Variants in KCNB2 observed in about 807,000 individuals in gnomAD.
The protein encoded by KCNB2 is delayed rectifier potassium channel protein.
Under a neutral mutation model 61.5 loss-of-function variants are expected in KCNB2, and 15 were observed. That is an observed-to-expected ratio of 0.24 (90% CI 0.16 to 0.38). The LOEUF (loss-of-function observed/expected upper bound fraction) is 0.38, where lower values mean the gene tolerates loss of function less well. Among genes scored for constraint, KCNB2 ranks in the 10% least tolerant of loss-of-function variants. KCNB2 has a pLI of 1.00. For missense variants in KCNB2, 828 were observed against 1,125.2 expected, an observed-to-expected ratio of 0.74 and a Z score of 3.78; for synonymous variants, 457 against 446.0, an observed-to-expected ratio of 1.02 and a Z score of -0.31.
chr8:72,887,096 G>A lies in KCNB2; in HGVS notation c.580-48839G>A, dbSNP rs116489713. 4.2e-3 allele frequency among the ~76,000 whole-genome samples: 642 copies of A among 152,314 alleles called. 7 individuals carry two copies. Among genetic ancestry groups the A allele is most frequent in the African/African-American group, 0.015 (613 of 41,568 alleles). Reference sequence around the variant, plus strand: ...TAAGGACACCTTAAGCCAGCTTAGTGAGAACTTTCTATAACTGCTTTCTGA... The same window carrying A: ...TAAGGACACCTTAAGCCAGCTTAGTAAGAACTTTCTATAACTGCTTTCTGA... On this transcript the variant is annotated intron_variant, in intron 2 of 2. Coordinates refer to ENST00000523207, the MANE Select transcript of KCNB2 (RefSeq NM_004770.3).
chr8:72,750,029 A>G (rs1808161643), intron 2 of KCNB2, among the ~76,000 whole-genome samples: 1 of 151,730 alleles, frequency 6.6e-6, no homozygotes, highest in Admixed American at 6.6e-5. Flanking sequence ...CAAAGATTTT[A>G]CCATCTATAT....
intron 1 of KCNB2, among the ~76,000 whole-genome samples, chr8:72,562,322 C>A (rs1489633895): frequency 6.6e-6 from 1 of 152,242 alleles, no homozygotes; most frequent in African/African-American, 2.4e-5. Context: ...AATTAGGATG[C>A]CATGATGAGA....
chr8:72,669,689 GT>G (rs1341610759), intron 2 of KCNB2, among the ~76,000 whole-genome samples: 2 of 152,202 alleles, frequency 1.3e-5, no homozygotes, highest in African/African-American at 4.8e-5. Context: ...GTAAAGCAGA[GT>G]TGTAAAAACC....
intron 2 of KCNB2, among the ~76,000 whole-genome samples, chr8:72,724,517 T>G (rs1389394928): frequency 6.6e-6 from 1 of 152,204 alleles, no homozygotes; most frequent in East Asian, 1.9e-4. Flanking sequence ...TTTATTTGAT[T>G]TCTTTTCCGG....
At chr8:72,721,353 C>G (rs1052428553) in intron 2 of KCNB2, among the ~76,000 whole-genome samples, 1 of 152,198 alleles carries the variant, frequency 6.6e-6, no homozygotes, top group African/African-American at 2.4e-5. Flanking sequence ...TCAGTGTGCT[C>G]TTTTCTCCTT....
intron 2 of KCNB2, among the ~76,000 whole-genome samples, chr8:72,711,593 T>C (rs1337729853): frequency 6.6e-6 from 1 of 152,156 alleles, no homozygotes; most frequent in Non-Finnish European, 1.5e-5. Flanking sequence ...CCCTAGAGGA[T>C]GAATAGCCAG....
chr8:72,829,908 C>T (rs57801008), intron 2 of KCNB2, among the ~76,000 whole-genome samples: 4,883 of 148,532 alleles, frequency 0.033, 270 homozygotes, highest in African/African-American at 0.11. Context: ...AAATTGTATC[C>T]GAAATTATTA....
intron 2 of KCNB2, among the ~76,000 whole-genome samples, chr8:72,744,762 C>T (rs1288890170): frequency 1.3e-5 from 2 of 152,132 alleles, no homozygotes; most frequent in East Asian, 1.9e-4. Flanking sequence ...GGACCTGAAG[C>T]GAGAACAAAC....
intron 2 of KCNB2, among the ~76,000 whole-genome samples, chr8:72,804,827 G>C (rs1179900952): frequency 6.6e-6 from 1 of 152,168 alleles, no homozygotes; most frequent in Non-Finnish European, 1.5e-5. Context: ...CTGCTTCTTA[G>C]AGCTGGGGCA....
intron 2 of KCNB2, among the ~76,000 whole-genome samples, chr8:72,571,712 A>G (rs1188490219): frequency 2.0e-5 from 3 of 152,102 alleles, no homozygotes; most frequent in African/African-American, 7.2e-5. Flanking sequence ...GCTCAGCTGA[A>G]TGGGCCCAGG....
chr8:72,780,797 C>T (rs990718731), intron 2 of KCNB2, among the ~76,000 whole-genome samples: 5 of 152,188 alleles, frequency 3.3e-5, no homozygotes, highest in African/African-American at 1.2e-4. Flanking sequence ...GGAATCTCCA[C>T]ACTGTCTTCC....
chr8:72,891,595 C>T (rs762944754), intron 2 of KCNB2, among the ~76,000 whole-genome samples: 5 of 152,172 alleles, frequency 3.3e-5, no homozygotes, highest in Non-Finnish European at 5.9e-5. Context: ...TCTTGTGATC[C>T]ATTTTGGCAC....
At chr8:72,752,724 G>A (rs1372496390) in intron 2 of KCNB2, among the ~76,000 whole-genome samples, 1 of 152,262 alleles carries the variant, frequency 6.6e-6, no homozygotes, top group Non-Finnish European at 1.5e-5. Flanking sequence ...TGCATATATC[G>A]ATATAGATAT....
chr8:72,855,493 C>A (rs1810192767), intron 2 of KCNB2, among the ~76,000 whole-genome samples: 2 of 152,160 alleles, frequency 1.3e-5, no homozygotes, highest in African/African-American at 4.8e-5. Flanking sequence ...TTGCCCCCTC[C>A]CAAACAAGTT....
At chr8:72,629,599 A>G (rs1192410178) in intron 2 of KCNB2, among the ~76,000 whole-genome samples, 1 of 152,188 alleles carries the variant, frequency 6.6e-6, no homozygotes, top group African/African-American at 2.4e-5. Flanking sequence ...TCACATGCTC[A>G]GTTTGGAGCC....
At chr8:72,787,647 G>A (rs1427055714) in intron 2 of KCNB2, among the ~76,000 whole-genome samples, 1 of 152,070 alleles carries the variant, frequency 6.6e-6, no homozygotes, top group Non-Finnish European at 1.5e-5. Context: ...ATTGGAAATG[G>A]TAGATTTCAG....
At chr8:72,681,047 C>T (rs1481008772) in intron 2 of KCNB2, among the ~76,000 whole-genome samples, 2 of 152,078 alleles carry the variant, frequency 1.3e-5, no homozygotes, top group Non-Finnish European at 2.9e-5. Flanking sequence ...TTGAGAAGAA[C>T]AGATGGGAAT....
chr8:72,547,428 CCTT>C lies in KCNB2; in HGVS notation c.-94+9546_-94+9548del, dbSNP rs940307411. Among the ~76,000 whole-genome samples, 6 of 152,122 alleles carry C rather than the reference CCTT, an allele frequency of 3.9e-5. No individual in the cohort carries two copies. The South Asian group carries it at 8.3e-4, about 21-fold the overall frequency. ...AGATCTGGACAAAGTTAATTAAAAA[CCTT>C]CTGGAAAGGATTCACCATTCTAGAT... On this transcript the variant is annotated intron_variant, in intron 1 of 2. Transcript: ENST00000523207.
chr8:72,588,062 G>T (rs1372131264), intron 2 of KCNB2, among the ~76,000 whole-genome samples: 1 of 152,152 alleles, frequency 6.6e-6, no homozygotes, highest in Non-Finnish European at 1.5e-5. Flanking sequence ...TTTTGGACTA[G>T]AACAGAACTG....
Sources: allele counts gnomAD v4.1 joint callset (sites outside exome capture counted in the v4.1 genomes callset), GRCh38; gene constraint gnomAD v4.1.1; transcripts MANE v1.5; gene names NCBI Gene and HGNC (gene_info 2026-07-23, HGNC 2026-07-21).